Variants in DGKB observed in about 807,000 individuals in gnomAD.
The protein encoded by DGKB is diacylglycerol kinase beta, also known as 90 kDa diacylglycerol kinase.
In DGKB, 67 loss-of-function variants were observed where a neutral mutation model predicts 114.3. The observed-to-expected ratio is 0.59, with a 90% CI of 0.48 to 0.72. The LOEUF (loss-of-function observed/expected upper bound fraction) is 0.72. Ranked by LOEUF, DGKB falls within the 30% of genes least tolerant of loss-of-function variation. DGKB has a pLI of 0.00. For synonymous variants in DGKB, 398 were observed against 323.1 expected (o/e 1.23, Z -2.49); for missense variants, 907 against 975.2 (o/e 0.93, Z 0.93).
chr7:14,168,630 T>C (rs185934267), intron 25 of DGKB, among the ~76,000 whole-genome samples: 1 of 152,352 alleles, frequency 6.6e-6, no homozygotes, highest in African/African-American at 2.4e-5. Flanking sequence ...TTATCAGAAA[T>C]TGCACTATGT....
In DGKB at chr7:14,262,222, T is replaced by C. The variant is rs77266040; in HGVS notation, c.2122+76293A>G. On this transcript the variant is annotated intron_variant, in intron 23 of 25. Transcript: ENST00000402815. ...AGAGTTTAGCATAATTGAGCCCACG[T>C]AGAATTTACGTTGTAGAATGGATGG... 4.7e-3 allele frequency among the ~76,000 whole-genome samples: 720 copies of C among 152,250 alleles called. 28 individuals carry two copies. In the East Asian group the frequency reaches 0.095, roughly 20 times the overall value.
intron 21 of DGKB, among the ~76,000 whole-genome samples, chr7:14,391,025 G>C (rs749370995): frequency 6.6e-6 from 1 of 151,936 alleles, no homozygotes; most frequent in African/African-American, 2.4e-5. Context: ...TTAATTATTT[G>C]GAAATCTTTT....
At chr7:14,865,813 G>A (rs1851629620) in intron 1 of DGKB, among the ~76,000 whole-genome samples, 1 of 152,286 alleles carries the variant, frequency 6.6e-6, no homozygotes, top group East Asian at 1.9e-4. Flanking sequence ...CATGAATAGA[G>A]TTAAGCTAAA....
intron 2 of DGKB, among the ~76,000 whole-genome samples, chr7:14,837,950 A>G (rs1847382933): frequency 6.6e-6 from 1 of 152,156 alleles, no homozygotes; most frequent in Non-Finnish European, 1.5e-5. Flanking sequence ...TGGAATTGGC[A>G]CTATTTCTTT....
intron 20 of DGKB, among the ~76,000 whole-genome samples, chr7:14,508,349 A>G (rs767327878): frequency 2.4e-4 from 37 of 152,216 alleles, no homozygotes; most frequent in Admixed American, 2.0e-4. Context: ...CTGTGAACGC[A>G]TAAAATGAAT....
intron 10 of DGKB, 48 bp from the exon 11 acceptor site, chr7:14,682,889 T>G: frequency 5.3e-6 from 7 of 1,318,778 alleles, no homozygotes; most frequent in Non-Finnish European, 7.5e-6. Context: ...TGGTCCTGGT[T>G]GTAATTTTAT....
intron 5 of DGKB, among the ~76,000 whole-genome samples, chr7:14,732,235 C>G (rs1480299894): frequency 1.3e-5 from 2 of 151,136 alleles, no homozygotes; most frequent in Non-Finnish European, 2.9e-5. Flanking sequence ...TCTTGAGAAG[C>G]CCTTATTTTT....
At chr7:14,449,123 A>C (rs1831121458) in intron 21 of DGKB, among the ~76,000 whole-genome samples, 1 of 152,098 alleles carries the variant, frequency 6.6e-6, no homozygotes, top group African/African-American at 2.4e-5. Context: ...AAAATATTAG[A>C]ACTTAATAAT....
At chr7:14,484,644 CA>C (rs1783499744) in intron 20 of DGKB, among the ~76,000 whole-genome samples, 1 of 152,164 alleles carries the variant, frequency 6.6e-6, no homozygotes, top group Non-Finnish European at 1.5e-5. Flanking sequence ...AACCTTGAGC[CA>C]ATTAAATCTC....
chr7:14,396,300 A>T (rs1822207194), intron 21 of DGKB, among the ~76,000 whole-genome samples: 6 of 152,172 alleles, frequency 3.9e-5, no homozygotes, highest in Admixed American at 3.3e-4. Context: ...GTAAGAAACA[A>T]GAGGCACAGT....
intron 20 of DGKB, among the ~76,000 whole-genome samples, chr7:14,564,507 CT>C (rs1397812510): frequency 2.0e-5 from 3 of 152,280 alleles, no homozygotes; most frequent in South Asian, 4.1e-4. Context: ...TAAAAGATTT[CT>C]GAAGCTATAT....
intron 20 of DGKB, among the ~76,000 whole-genome samples, chr7:14,554,875 T>A (rs1184606851): frequency 6.6e-6 from 1 of 152,160 alleles, no homozygotes; most frequent in African/African-American, 2.4e-5. Flanking sequence ...ATATTTAAGT[T>A]TATTCACCCT....
chr7:14,399,222 T>C (rs1056711973), intron 21 of DGKB, among the ~76,000 whole-genome samples: 1 of 151,664 alleles, frequency 6.6e-6, no homozygotes, highest in Non-Finnish European at 1.5e-5. Flanking sequence ...ATCAAAAATA[T>C]ATTTGAAAGC....
In DGKB at chr7:14,288,094, G is replaced by T. The variant is rs991158735; in HGVS notation, c.2122+50421C>A. On this transcript the variant is annotated intron_variant, in intron 23 of 25. Transcript: ENST00000402815. ...TATATTGTTAAAATTAGAACTAGAAGCAATGGCAAGTAGTATCTTATTGGA... is the reference window on the plus strand; with the variant it reads ...TATATTGTTAAAATTAGAACTAGAATCAATGGCAAGTAGTATCTTATTGGA... Among the ~76,000 whole-genome samples, 14 of 152,078 alleles carry T rather than the reference G, an allele frequency of 9.2e-5. No homozygotes were observed. In the East Asian group the frequency reaches 9.7e-4, roughly 11 times the overall value.
At chr7:14,620,985 A>G (rs1366099418) in intron 15 of DGKB, among the ~76,000 whole-genome samples, 2 of 151,666 alleles carry the variant, frequency 1.3e-5, no homozygotes, top group Non-Finnish European at 3.0e-5. Flanking sequence ...CTTCTTTCCT[A>G]AAGTCTTTTT....
In DGKB at chr7:14,478,195, T is replaced by G. The variant is rs1172308587; in HGVS notation, c.1801A>C (p.Met601Leu). 2 of 1,603,542 alleles carry G rather than the reference T, an allele frequency of 1.2e-6. No individual in the cohort carries two copies. The highest frequency in any genetic ancestry group is 1.7e-5 in the Admixed American group (1 of 59,110). ...AATTTCTCTGGGTGTTTTTCTCTCATGATGTGGAATCTGTGTGCAATGGAG... is the reference window on the plus strand; with the variant it reads ...AATTTCTCTGGGTGTTTTTCTCTCAGGATGTGGAATCTGTGTGCAATGGAG... ...DASIAHRFHI[M>L]REKHPEKFNS... is the part of the protein sequence containing the mutation. Residue 601 changes from methionine to leucine, a missense_variant, in exon 21 of 26, where the codon ATG (methionine) becomes CTG (leucine). By Grantham distance (15) the Met-to-Leu change is conservative. Transcript: ENST00000402815.
chr7:14,892,997 T>C (rs913883133), intron 1 of DGKB, among the ~76,000 whole-genome samples: 1 of 151,154 alleles, frequency 6.6e-6, no homozygotes, highest in Admixed American at 6.6e-5. Flanking sequence ...TGTATATATG[T>C]ATATATGTGT....
chr7:14,833,916 G>A (rs1347170797), intron 2 of DGKB, among the ~76,000 whole-genome samples: 1 of 152,032 alleles, frequency 6.6e-6, no homozygotes, highest in African/African-American at 2.4e-5. Context: ...CAAGAATCTT[G>A]CATACGTAAC....
At chr7:14,814,987 C>CT (rs1211791440) in intron 2 of DGKB, among the ~76,000 whole-genome samples, 1 of 152,136 alleles carries the variant, frequency 6.6e-6, no homozygotes, top group Non-Finnish European at 1.5e-5. Context: ...CATATTTCTT[C>CT]TTTTTTCTAA....
Sources: allele counts gnomAD v4.1 joint callset (sites outside exome capture counted in the v4.1 genomes callset), GRCh38; gene constraint gnomAD v4.1.1; transcripts MANE v1.5; gene names NCBI Gene and HGNC (gene_info 2026-07-23, HGNC 2026-07-21).